Variants in TSTD2 observed in about 807,000 individuals in gnomAD.
TSTD2 encodes thiosulfate sulfurtransferase/rhodanese-like domain-containing protein 2.
Under a neutral mutation model 47.9 loss-of-function variants are expected in TSTD2, and 37 were observed. The observed-to-expected ratio is 0.77, with a 90% CI of 0.59 to 1.02. TSTD2 has a LOEUF of 1.02. TSTD2 is among the 50% of genes least tolerant of loss of function. TSTD2 has a pLI of 0.00. For missense variants in TSTD2, 586 were observed against 616.0 expected, an observed-to-expected ratio of 0.95 and a Z score of 0.52; for synonymous variants, 201 against 215.9, an observed-to-expected ratio of 0.93 and a Z score of 0.61.
chr9:97,623,401 T>G (rs554393186), intron 3 of TSTD2, among the ~76,000 whole-genome samples: 7 of 152,274 alleles, frequency 4.6e-5, no homozygotes, highest in Non-Finnish European at 8.8e-5. Context: ...TATGTCTTTA[T>G]CAGCATGAAA....
intron 3 of TSTD2, among the ~76,000 whole-genome samples, chr9:97,623,376 T>C (rs928807387): frequency 2.0e-5 from 3 of 152,216 alleles, no homozygotes; most frequent in Admixed American, 6.5e-5. Flanking sequence ...CTTTTGTAAA[T>C]TGCCCAGTCT....
rs1034564761 is a variant in TSTD2 at position 97,601,420 on chromosome 9, A to G, written c.*1049T>C. On this transcript the variant is annotated 3_prime_UTR_variant, in exon 10 of 10. Transcript: ENST00000341170. ...CTGTGGCTCAAATGTCACCGAGCTT[A>G]TATGAAGCTCCCAGAGAGAACATTT... The G allele has an allele frequency of 6.7e-6, 7 of 1,038,270 alleles. No individual in the cohort carries two copies. Among genetic ancestry groups the G allele is most frequent in the African/African-American group, 5.2e-5 (3 of 58,244 alleles). 64.3% of individuals were successfully genotyped at this position (1,038,270 alleles called of 1,614,324 possible).
At chr9:97,620,460 C>CT (rs1398078609) in intron 3 of TSTD2, among the ~76,000 whole-genome samples, 1 of 152,124 alleles carries the variant, frequency 6.6e-6, no homozygotes, top group Non-Finnish European at 1.5e-5. Flanking sequence ...TGGGGTGCTG[C>CT]TGAAAAGACA....
chr9:97,612,222 C>T (rs1170695911), intron 4 of TSTD2, among the ~76,000 whole-genome samples: 4 of 152,202 alleles, frequency 2.6e-5, no homozygotes, highest in Admixed American at 2.6e-4. Flanking sequence ...ATAGTATTCC[C>T]ACATTTTCTT....
intron 9 of TSTD2, among the ~76,000 whole-genome samples, chr9:97,603,792 C>T (rs571964836): frequency 1.2e-4 from 19 of 152,246 alleles, no homozygotes; most frequent in Admixed American, 9.2e-4. Flanking sequence ...CTCAACCTCC[C>T]GGGCTCAAGC....
chr9:97,612,704 C>T (rs538828214), intron 4 of TSTD2, among the ~76,000 whole-genome samples: 23 of 152,266 alleles, frequency 1.5e-4, no homozygotes, highest in African/African-American at 3.6e-4. Context: ...TACAGGCATG[C>T]GCCACCAAGC....
rs1826235625 is a variant in TSTD2, at chr9:97,600,636, T to C, written c.*1833A>G. 1.0e-6 allele frequency: 1 copy of C among 989,232 alleles called. No homozygotes were observed. The highest frequency in any genetic ancestry group is 1.2e-6 in the Non-Finnish European group (1 of 832,394). 61.3% of individuals were successfully genotyped at this position (989,232 alleles called of 1,614,324 possible). A position where few individuals can be genotyped will look rare whatever the true frequency, so the allele number is the denominator to read the frequency against. ...AATGGCCCAGCTTAGAGACTTCAGC[T>C]ACTGATCTCATCACTTATTAGACAA... On this transcript the variant is annotated 3_prime_UTR_variant, in exon 10 of 10. Transcript: ENST00000341170.
rs765167155 is a variant in TSTD2, at chr9:97,610,389, C to T, written c.792G>A (p.Val264=). The T allele has an allele frequency of 5.6e-6, 9 of 1,601,508 alleles. No homozygotes were observed. In the African/African-American group the frequency reaches 1.2e-4, roughly 22 times the overall value. Residue 264 remains valine (V), a synonymous_variant, in exon 6 of 10, where the codon GTG becomes GTA. Coordinates refer to ENST00000341170, the MANE Select transcript of TSTD2 (RefSeq NM_139246.5). ...TCTTTTTGGGGCTGATCCCCATGGG[C>T]ACGATTTCTTCAAATACACCAACAC... ...ELRVGVFEEI[V]PMGISPKKIS...
chr9:97,604,587 T>C, intron 9 of TSTD2, 140 bp downstream of exon 9: 1 of 1,270,120 alleles, frequency 7.9e-7, no homozygotes, highest in African/African-American at 1.5e-5. Context: ...GGGAAAATGG[T>C]GGCACAATGT....
rs2131304758 is a variant in TSTD2 at position 97,604,495 on chromosome 9, T to C, written c.1252+232A>G. ...TGAGATGATCCCCATGTTAATGGGC[T>C]TGTCCAGCTAGCAATGGTGAAGCCA... On this transcript the variant is annotated intron_variant, in intron 9 of 9. Coordinates refer to ENST00000341170, the MANE Select transcript of TSTD2 (RefSeq NM_139246.5). The C allele has an allele frequency of 9.7e-6, 5 of 517,276 alleles. No individual in the cohort carries two copies. The South Asian group carries it at 1.4e-4, about 15-fold the overall frequency. 32.0% of individuals were successfully genotyped at this position (517,276 alleles called of 1,614,324 possible). A position where few individuals can be genotyped will look rare whatever the true frequency, so the allele number is the denominator to read the frequency against.
intron 2 of TSTD2, 100 bp downstream of exon 2, chr9:97,627,298 G>C: frequency 6.8e-7 from 1 of 1,475,644 alleles, no homozygotes; most frequent in Non-Finnish European, 9.0e-7. Flanking sequence ...TTCCTGACTA[G>C]ACTTTACCTT....
chr9:97,625,802 T>G lies in TSTD2; in HGVS notation c.361A>C (p.Thr121Pro). The G allele has an allele frequency of 6.2e-7, 1 of 1,614,170 alleles. No homozygotes were observed. Among genetic ancestry groups the G allele is most frequent in the Non-Finnish European group, 8.5e-7 (1 of 1,179,996 alleles). Reference sequence around the variant, plus strand: ...TCTGCAGACGAAAGACTCTTTGAGGTGCTCAATGTCACAGCCAGTTGCTTT... The same window carrying G: ...TCTGCAGACGAAAGACTCTTTGAGGGGCTCAATGTCACAGCCAGTTGCTTT... Reference protein sequence around the residue: ...ILKQLAVTLSTSKSLSSADEK... With the variant: ...ILKQLAVTLSPSKSLSSADEK... The change falls in exon 3 of 10, where the codon ACC becomes CCC. Residue 121 changes from threonine to proline, a missense_variant. Thr to Pro is a conservative substitution (Grantham distance 38, BLOSUM62 -1). Transcript: ENST00000341170.
At chr9:97,609,834 A>G (rs921051507) in intron 6 of TSTD2, among the ~76,000 whole-genome samples, 1 of 152,166 alleles carries the variant, frequency 6.6e-6, no homozygotes, top group Admixed American at 6.5e-5. Flanking sequence ...GAACTTCACT[A>G]TATTATTTTC....
intron 5 of TSTD2, among the ~76,000 whole-genome samples, 200 bp downstream of exon 5, chr9:97,611,374 G>A (rs148769442): frequency 0.01 from 1,591 of 151,820 alleles, 26 homozygotes; most frequent in African/African-American, 0.036. Context: ...CCATGATCAC[G>A]CCACTGCACT....
Position 97,602,663 on chromosome 9 carries a change from T to G in TSTD2, c.1357A>C (p.Thr453Pro), listed in dbSNP as rs1248018208. Residue 453 changes from threonine (T) to proline (P), a missense_variant, in exon 10 of 10, where the codon ACA becomes CCA. Coordinates refer to ENST00000341170, the MANE Select transcript of TSTD2 (RefSeq NM_139246.5). ...TCPACQGQGF[T>P]ACCVTCQDKG... ...TCTTGACATGTGACACAACAGGCTG[T>G]GAATCCTTGTCCTTGACAGGCAGGG... is the stretch of plus-strand genomic sequence containing the variant. The G allele has an allele frequency of 6.2e-7, 1 of 1,614,180 alleles. No individual in the cohort carries two copies. The highest frequency in any genetic ancestry group is 1.7e-5 in the Admixed American group (1 of 60,030).
intron 1 of TSTD2, among the ~76,000 whole-genome samples, chr9:97,628,200 C>T (rs1046127906): frequency 6.6e-6 from 1 of 152,158 alleles, no homozygotes; most frequent in Non-Finnish European, 1.5e-5. Flanking sequence ...CCAAGACAGC[C>T]CCACTGTAAT....
chr9:97,603,053 A>G (rs763832492), intron 9 of TSTD2: 4 of 314,506 alleles, frequency 1.3e-5, no homozygotes, highest in Non-Finnish European at 2.4e-5. Flanking sequence ...TGGTAATGAA[A>G]GTTTCTCTCT....
At chr9:97,607,678 G>A (rs112903638) in intron 6 of TSTD2, among the ~76,000 whole-genome samples, 14,286 of 152,232 alleles carry the variant, frequency 0.094, 2,301 homozygotes, top group African/African-American at 0.33. Context: ...TGAGGCAGGC[G>A]GATCACCTGA....
At chr9:97,618,027 T>C (rs896768128) in intron 3 of TSTD2, 150 bp from the exon 4 acceptor site, 32 of 1,087,718 alleles carry the variant, frequency 2.9e-5, no homozygotes, top group Non-Finnish European at 3.0e-5. Flanking sequence ...CCTCCTGAAA[T>C]GAGAAGCAAC....
Sources: gnomAD v4.1 joint callset for allele counts (sites outside exome capture counted in the v4.1 genomes callset) on GRCh38, gnomAD v4.1.1 for gene constraint, MANE v1.5 for transcripts, NCBI Gene and HGNC (gene_info 2026-07-23, HGNC 2026-07-21) for gene names.